RIOK3: variants seen among roughly 807,000 people sequenced by gnomAD.
RIOK3 encodes the protein RIO kinase 3.
Under a neutral mutation model 63.5 loss-of-function variants are expected in RIOK3, and 40 were observed. That is an observed-to-expected ratio of 0.63 (90% CI 0.49 to 0.82). The LOEUF (loss-of-function observed/expected upper bound fraction) is 0.82. Ranked by LOEUF, RIOK3 falls within the 40% of genes least tolerant of loss-of-function variation. RIOK3 has a pLI of 0.00. For synonymous variants in RIOK3, 193 were observed against 205.0 expected (o/e 0.94, Z 0.50); for missense variants, 557 against 637.0 (o/e 0.87, Z 1.35).
intron 1 of RIOK3, among the ~76,000 whole-genome samples, chr18:23,456,939 A>G (rs2057344904): frequency 6.6e-6 from 1 of 152,188 alleles, no homozygotes; most frequent in Admixed American, 6.5e-5. Flanking sequence ...TTAAATATCT[A>G]AAAATGCATT....
chr18:23,462,505 T>G (rs150756951), intron 1 of RIOK3, among the ~76,000 whole-genome samples: 1 of 152,394 alleles, frequency 6.6e-6, no homozygotes, highest in East Asian at 1.9e-4. Context: ...ATTTGTACAC[T>G]TAGATGACTC....
intron 11 of RIOK3, among the ~76,000 whole-genome samples, chr18:23,477,488 G>T (rs139721010): frequency 2.6e-4 from 39 of 152,300 alleles, no homozygotes; most frequent in African/African-American, 8.2e-4. Flanking sequence ...GGGGTGCCAG[G>T]TATGGTGGCT....
chr18:23,466,112 G>A (rs1428664902), intron 5 of RIOK3, 21 bp from the exon 6 acceptor site: 2 of 1,553,982 alleles, frequency 1.3e-6, no homozygotes, highest in South Asian at 2.5e-5. Flanking sequence ...ATATTTAGAT[G>A]CTAATTCTTC....
At chr18:23,469,271 G>A (rs752046275) in intron 7 of RIOK3, among the ~76,000 whole-genome samples, 15 of 144,566 alleles carry the variant, frequency 1.0e-4, no homozygotes, top group Non-Finnish European at 2.3e-4. Context: ...TGGGAGTTTT[G>A]CTTTCCACAA....
chr18:23,457,201 G>C (rs918417767), intron 1 of RIOK3, among the ~76,000 whole-genome samples: 3 of 152,168 alleles, frequency 2.0e-5, no homozygotes, highest in Non-Finnish European at 4.4e-5. Context: ...ACAAAATGCT[G>C]AACTACTATT....
chr18:23,463,847 G>A, intron 2 of RIOK3, 120 bp from the exon 3 acceptor site: 1 of 823,042 alleles, frequency 1.2e-6, no homozygotes, highest in Non-Finnish European at 1.9e-6. Flanking sequence ...TAAATGGTTT[G>A]ATAGAGTTCT....
intron 11 of RIOK3, among the ~76,000 whole-genome samples, chr18:23,478,159 A>G (rs944860449): frequency 6.6e-6 from 1 of 151,996 alleles, no homozygotes; most frequent in Non-Finnish European, 1.5e-5. Flanking sequence ...TAATGTGTGC[A>G]TAGTGCTTAA....
chr18:23,479,532 T>C lies in RIOK3; in HGVS notation c.1452+108T>C, dbSNP rs373047343. On this transcript the variant is annotated intron_variant, in intron 12 of 12. Coordinates refer to ENST00000339486, the MANE Select transcript of RIOK3 (RefSeq NM_003831.5). ...ATCCTCCCTTTCCCCCAAAACAAAA[T>C]TAATTTGAGATTTTTCTTTTCTTAA... 184 of 615,528 alleles carry C rather than the reference T, an allele frequency of 3.0e-4. 2 individuals are homozygous for C. The South Asian group carries it at 3.6e-3, about 12-fold the overall frequency. 38.1% of individuals were successfully genotyped at this position (615,528 alleles called of 1,614,324 possible).
At chr18:23,477,388 G>C in intron 11 of RIOK3, 120 bp downstream of exon 11, 1 of 769,160 alleles carries the variant, frequency 1.3e-6, no homozygotes, top group Non-Finnish European at 2.3e-6. Flanking sequence ...GATACGGGCT[G>C]CTTTCAGGAC....
Position 23,475,010 on chromosome 18 carries a change from T to C in RIOK3, c.1076T>C (p.Met359Thr). ...CTACTGAAGAAACACATTTTAGTTA[T>C]GTCTTTTATTGGCCATGATCAAGTT... ...VVLLKKHILV[M>T]SFIGHDQVPA... Residue 359 changes from methionine to threonine, a missense_variant, in exon 9 of 13, where the codon ATG (methionine) becomes ACG (threonine). Met to Thr is a moderately conservative substitution (Grantham distance 81). Around this residue, in one of 3 missense-constraint regions of RIOK3, gnomAD observed 309 missense variants for 338.7 expected, o/e 0.91. Coordinates refer to ENST00000339486, the MANE Select transcript of RIOK3 (RefSeq NM_003831.5). 1 of 1,612,126 alleles carries C rather than the reference T, an allele frequency of 6.2e-7. No individual in the cohort carries two copies. Among genetic ancestry groups the C allele is most frequent in the Non-Finnish European group, 8.5e-7 (1 of 1,178,198 alleles).
intron 8 of RIOK3, 67 bp from the exon 9 acceptor site, chr18:23,474,881 T>G: frequency 8.2e-7 from 1 of 1,225,440 alleles, no homozygotes; most frequent in South Asian, 1.3e-5. Flanking sequence ...ATTAGATATT[T>G]ATTGAATAAA....
chr18:23,459,076 C>T (rs544532981), intron 1 of RIOK3, among the ~76,000 whole-genome samples: 65 of 152,314 alleles, frequency 4.3e-4, no homozygotes, highest in African/African-American at 1.2e-3. Context: ...GAGGTCTCTA[C>T]TTGTTTCACT....
intron 5 of RIOK3, 51 bp from the exon 6 acceptor site, chr18:23,466,082 T>A: frequency 6.8e-7 from 1 of 1,462,428 alleles, no homozygotes; most frequent in Non-Finnish European, 9.2e-7. Context: ...GTTTTTGTTT[T>A]TAACTGTCCC....
At position 23,479,264 on chromosome 18, in the gene RIOK3, A is replaced by G. The variant is rs182210646; in HGVS notation, c.1345-53A>G. Reference sequence around the variant, plus strand: ...ATGTGCTGCTCCCTGTTTTTAGTTTATAAGAGAACATTGCTAATACTTCTT... The same window carrying G: ...ATGTGCTGCTCCCTGTTTTTAGTTTGTAAGAGAACATTGCTAATACTTCTT... On this transcript the variant is annotated intron_variant, in intron 11 of 12. Coordinates refer to ENST00000339486, the MANE Select transcript of RIOK3 (RefSeq NM_003831.5). 6.0e-5 allele frequency: 70 copies of G among 1,168,386 alleles called. No homozygotes were observed. The East Asian group carries it at 1.5e-3, about 25-fold the overall frequency. The allele number at this position is 1,168,386 out of a possible 1,614,324, so 72.4% of individuals were successfully genotyped here.
chr18:23,456,478 C>T (rs2057342026), intron 1 of RIOK3: 1 of 151,820 alleles, frequency 6.6e-6, no homozygotes, highest in Admixed American at 6.6e-5. Flanking sequence ...AAAAAAAAGT[C>T]ATATGTTAAC....
chr18:23,464,283 C>A lies in RIOK3; in HGVS notation c.403C>A (p.Gln135Lys), dbSNP rs765103360. 6.8e-6 allele frequency: 11 copies of A among 1,613,870 alleles called. No individual in the cohort carries two copies. Among genetic ancestry groups the A allele is most frequent in the East Asian group, 6.7e-5 (3 of 44,888 alleles). ...SDSSEDEVDW[Q>K]DTRDDPYRPA... ...TAGCTCTGAAGATGAGGTTGACTGG[C>A]AGGATACTCGTGATGATCCCTACAG... is the stretch of plus-strand genomic sequence containing the variant. Residue 135 changes from glutamine (Q) to lysine (K), a missense_variant, in exon 4 of 13, where the codon CAG becomes AAG. Physicochemically the swap from Gln to Lys is moderately conservative, Grantham distance 53. Coordinates refer to ENST00000339486, the MANE Select transcript of RIOK3 (RefSeq NM_003831.5).
chr18:23,462,022 T>TTAG (rs2057374733), intron 1 of RIOK3, among the ~76,000 whole-genome samples: 1 of 133,270 alleles, frequency 7.5e-6, no homozygotes, highest in South Asian at 2.7e-4. Context: ...CCCGGGGAGG[T>TTAG]GGAGATTGCA....
At chr18:23,480,576 CACACACACACACACAT>C (rs2057526430) in intron 12 of RIOK3, among the ~76,000 whole-genome samples, 2 of 151,732 alleles carry the variant, frequency 1.3e-5, no homozygotes, top group African/African-American at 4.8e-5. Context: ...CACACACACA[CACACACACACACACAT>C]AGTAATTTCA....
intron 1 of RIOK3, among the ~76,000 whole-genome samples, chr18:23,459,429 G>C (rs9954741): frequency 0.31 from 47,404 of 151,954 alleles, 7,707 homozygotes; most frequent in East Asian, 0.38. Flanking sequence ...TTGATGAGAA[G>C]TCTCTACCCT....
Sources: allele counts gnomAD v4.1 joint callset (sites outside exome capture counted in the v4.1 genomes callset), GRCh38; gene constraint gnomAD v4.1.1; regional missense constraint gnomAD v4.1.1; transcripts MANE v1.5; gene names NCBI Gene and HGNC (gene_info 2026-07-23, HGNC 2026-07-21).